Variants in EPHB2 observed in about 807,000 individuals in gnomAD.
EPHB2 encodes ephrin type-B receptor 2.
In EPHB2, 18 loss-of-function variants were observed where a neutral mutation model predicts 96.4. That is an observed-to-expected ratio of 0.19 (90% CI 0.13 to 0.28). The LOEUF is 0.28. EPHB2 is among the 10% of genes least tolerant of loss of function. EPHB2 has a pLI of 1.00. For missense variants in EPHB2, 989 were observed against 1,355.4 expected, an observed-to-expected ratio of 0.73 and a Z score of 4.25; for synonymous variants, 506 against 534.1, an observed-to-expected ratio of 0.95 and a Z score of 0.72.
chr1:22,735,114 G>C (rs1221491993), intron 1 of EPHB2, among the ~76,000 whole-genome samples: 1 of 152,088 alleles, frequency 6.6e-6, no homozygotes, highest in Non-Finnish European at 1.5e-5. Flanking sequence ...GCATCTTCCT[G>C]AGGCTGCTGT....
At chr1:22,877,119 G>A (rs1031128956) in intron 5 of EPHB2, among the ~76,000 whole-genome samples, 81 of 152,166 alleles carry the variant, frequency 5.3e-4, no homozygotes, top group Non-Finnish European at 1.8e-4. Context: ...TCGGAGGTCC[G>A]CTGGTTTCCA....
rs145927073 is a variant in EPHB2 at position 22,768,012 on chromosome 1, G to A, written c.62-13409G>A. Reference sequence around the variant, plus strand: ...AGGTGTGGTTGGCAAGAGAGCCCAGGGAGTCACACTGAGCAGAGATGGCAC... The same window carrying A: ...AGGTGTGGTTGGCAAGAGAGCCCAGAGAGTCACACTGAGCAGAGATGGCAC... On this transcript the variant is annotated intron_variant, in intron 1 of 15. Transcript: ENST00000374630. Among the ~76,000 whole-genome samples the A allele has an allele frequency of 3.0e-3, 458 of 152,294 alleles. 3 individuals are homozygous for A. The highest frequency in any genetic ancestry group is 0.01 in the African/African-American group (416 of 41,564).
rs1468493530 is a variant in EPHB2 at position 22,784,928 on chromosome 1, T to G, written c.663T>G (p.Ala221=). The change falls in exon 3 of 16, where the codon GCT becomes GCG. Residue 221 remains alanine (A), a synonymous_variant. Coordinates refer to ENST00000374630, the MANE Select transcript of EPHB2 (RefSeq NM_017449.5). This position sits in a 1 kb window ranked among gnomAD's most constrained non-coding sequence, Gnocchi z 5.1. Reference sequence around the variant, plus strand: ...GGGCTGAGAGCACATCGCTGGTGGCTGCCCGGGGCAGCTGCATCGCCAATG... The same window carrying G: ...GGGCTGAGAGCACATCGCTGGTGGCGGCCCGGGGCAGCTGCATCGCCAATG... The part of the protein sequence containing the change: ...LSGAESTSLV[A]ARGSCIANAE... 6.2e-7 allele frequency: 1 copy of G among 1,613,832 alleles called. No homozygotes were observed. Among genetic ancestry groups the G allele is most frequent in the Non-Finnish European group, 8.5e-7 (1 of 1,180,056 alleles).
At chr1:22,844,263 C>G (rs1480202793) in intron 3 of EPHB2, among the ~76,000 whole-genome samples, 1 of 152,250 alleles carries the variant, frequency 6.6e-6, no homozygotes, top group Non-Finnish European at 1.5e-5. Context: ...CATTGCCACA[C>G]TGTTATTAAA....
chr1:22,802,813 A>C (rs1299183983), intron 3 of EPHB2, among the ~76,000 whole-genome samples: 1 of 152,182 alleles, frequency 6.6e-6, no homozygotes, highest in Non-Finnish European at 1.5e-5. Context: ...ACGGACCAGC[A>C]AATGCCCCTG....
intron 9 of EPHB2, among the ~76,000 whole-genome samples, chr1:22,897,389 G>A (rs974086951): frequency 2.0e-5 from 3 of 152,172 alleles, no homozygotes; most frequent in African/African-American, 4.8e-5. Flanking sequence ...TCAGGTGCCT[G>A]CCTCTGGGTA....
chr1:22,842,331 A>G (rs1645481697), intron 3 of EPHB2, among the ~76,000 whole-genome samples: 1 of 152,196 alleles, frequency 6.6e-6, no homozygotes, highest in Admixed American at 6.5e-5. Context: ...GAAGGATAAC[A>G]CAGCATCTCA....
At chr1:22,716,070 C>T (rs767603545) in intron 1 of EPHB2, among the ~76,000 whole-genome samples, 94 of 152,316 alleles carry the variant, frequency 6.2e-4, no homozygotes, top group Non-Finnish European at 1.1e-3. Flanking sequence ...TCCCAACTTC[C>T]CCCAGACTCG....
At position 22,790,686 on chromosome 1, in the gene EPHB2, A is replaced by T. The variant is rs1160145713; in HGVS notation, c.811+5610A>T. Among the ~76,000 whole-genome samples, 1 of 152,174 alleles carries T rather than the reference A, an allele frequency of 6.6e-6. No individual in the cohort carries two copies. Among genetic ancestry groups the T allele is most frequent in the Non-Finnish European group, 1.5e-5 (1 of 68,038 alleles). On this transcript the variant is annotated intron_variant, in intron 3 of 15. Coordinates refer to ENST00000374630, the MANE Select transcript of EPHB2 (RefSeq NM_017449.5). The surrounding 1 kb of genome is among the most constrained non-coding windows in gnomAD (Gnocchi z 4.0). Reference sequence around the variant, plus strand: ...TGGGGACCTTGCTCTGTTCTCTCCCAGTGGCCAACCCGCATCTGCGAGGGA... The same window carrying T: ...TGGGGACCTTGCTCTGTTCTCTCCCTGTGGCCAACCCGCATCTGCGAGGGA...
intron 1 of EPHB2, among the ~76,000 whole-genome samples, chr1:22,756,561 AT>A (rs1466765970): frequency 6.6e-6 from 1 of 151,690 alleles, no homozygotes; most frequent in Non-Finnish European, 1.5e-5. Context: ...CCGCCTGCAG[AT>A]TTATGAGGTG....
intron 2 of EPHB2, among the ~76,000 whole-genome samples, chr1:22,782,037 G>T (rs1644540503): frequency 6.6e-6 from 1 of 152,036 alleles, no homozygotes; most frequent in Non-Finnish European, 1.5e-5. Context: ...CCCTCCTTTG[G>T]TTCTTATCAT....
At chr1:22,907,077 T>G in intron 11 of EPHB2, 120 bp downstream of exon 11, 1 of 1,362,552 alleles carries the variant, frequency 7.3e-7, no homozygotes, top group Non-Finnish European at 9.7e-7. Context: ...AGGAATGGCT[T>G]GCAGGCTGTC....
At chr1:22,888,330 T>C (rs1639291366) in intron 6 of EPHB2, among the ~76,000 whole-genome samples, 1 of 152,222 alleles carries the variant, frequency 6.6e-6, no homozygotes, top group South Asian at 2.1e-4. Flanking sequence ...CATGAGCCAC[T>C]GCGCCTGGCC....
At chr1:22,867,439 A>T (rs1451935655) in intron 5 of EPHB2, among the ~76,000 whole-genome samples, 2 of 151,966 alleles carry the variant, frequency 1.3e-5, no homozygotes, top group Non-Finnish European at 2.9e-5. Flanking sequence ...TTGTTTGGGA[A>T]TGTTGGTGGT....
intron 3 of EPHB2, among the ~76,000 whole-genome samples, chr1:22,835,311 T>C (rs1338699305): frequency 6.6e-6 from 1 of 151,556 alleles, no homozygotes; most frequent in Non-Finnish European, 1.5e-5. Flanking sequence ...GCCTGGGAGA[T>C]CAATGCTACA....
intron 1 of EPHB2, chr1:22,775,082 G>A: frequency 1.4e-6 from 1 of 713,886 alleles, no homozygotes; most frequent in Admixed American, 2.0e-5. Context: ...ACAGGCCCAT[G>A]CAGAGAGAGA....
chr1:22,784,268 C>A lies in EPHB2; in HGVS notation c.127-124C>A, dbSNP rs1207561522. ...TGTCTCCCCCATCAGATTGGGAATTCTCTGATGTCTTCACCATTAGACTGG... is the reference window on the plus strand; with the variant it reads ...TGTCTCCCCCATCAGATTGGGAATTATCTGATGTCTTCACCATTAGACTGG... On this transcript the variant is annotated intron_variant, in intron 2 of 15. Transcript: ENST00000374630. This position sits in a 1 kb window ranked among gnomAD's most constrained non-coding sequence, Gnocchi z 5.1. The A allele has an allele frequency of 3.4e-6, 3 of 877,192 alleles. No homozygotes were observed. The highest frequency in any genetic ancestry group is 3.3e-5 in the African/African-American group (2 of 60,428). 54.3% of individuals were successfully genotyped at this position (877,192 alleles called of 1,614,324 possible). A position where few individuals can be genotyped will look rare whatever the true frequency, so the allele number is the denominator to read the frequency against.
intron 14 of EPHB2, among the ~76,000 whole-genome samples, chr1:22,912,114 T>C (rs1478444407): frequency 6.6e-6 from 1 of 152,146 alleles, no homozygotes; most frequent in Non-Finnish European, 1.5e-5. Context: ...AAAATAAGCA[T>C]GGAGCTGCGT....
rs202171131 is a variant in EPHB2, at chr1:22,906,968, C to G, written c.2136+11C>G. 177 of 1,600,876 alleles carry G rather than the reference C, an allele frequency of 1.1e-4. 2 individuals are homozygous for G. In the Middle Eastern group the frequency reaches 1.5e-3, roughly 13 times the overall value. On this transcript the variant is annotated intron_variant, in intron 11 of 15. Transcript: ENST00000374630. This position sits in a 1 kb window ranked among gnomAD's most constrained non-coding sequence, Gnocchi z 4.8. ...GACTCCTTTCTCCGGGTAGGGGAAG[C>G]CAAGAGGGCCAGGGGCCCATGAATG...
Sources: allele counts gnomAD v4.1 joint callset (sites outside exome capture counted in the v4.1 genomes callset), GRCh38; gene constraint gnomAD v4.1.1; non-coding constraint Gnocchi (gnomAD v3.1); transcripts MANE v1.5; gene names NCBI Gene and HGNC (gene_info 2026-07-23, HGNC 2026-07-21).